The following AXDND1 variants were observed in gnomAD, a reference collection of about 807,000 sequenced individuals.
AXDND1 encodes the protein axonemal dynein light chain domain containing 1.
Under a neutral mutation model 137.5 loss-of-function variants are expected in AXDND1, and 110 were observed. The observed-to-expected ratio is 0.80, with a 90% CI of 0.69 to 0.94. The LOEUF is 0.94. Ranked by LOEUF, AXDND1 falls within the 40% of genes least tolerant of loss-of-function variation. The pLI, the probability that AXDND1 is intolerant of heterozygous loss-of-function variation, is 0.00. For missense variants in AXDND1, 1,191 were observed against 1,169.8 expected (o/e 1.02, Z -0.26); for synonymous variants, 414 against 399.7 (o/e 1.04, Z -0.43).
chr1:179,521,385 C>A (rs770049896), intron 21 of AXDND1, among the ~76,000 whole-genome samples: 1 of 152,128 alleles, frequency 6.6e-6, no homozygotes, highest in Non-Finnish European at 1.5e-5. Flanking sequence ...GATACTTAAT[C>A]AAATCACCTA....
intron 25 of AXDND1, chr1:179,551,002 T>G: frequency 1.3e-6 from 1 of 756,454 alleles, no homozygotes; most frequent in Non-Finnish European, 2.2e-6. Context: ...TTCTCTGTCA[T>G]TACATCATTT....
chr1:179,474,260 T>C (rs1345896095), intron 17 of AXDND1, among the ~76,000 whole-genome samples: 2 of 151,946 alleles, frequency 1.3e-5, no homozygotes, highest in Admixed American at 6.6e-5. Flanking sequence ...AGTTTTTTTA[T>C]AGCAGTGTGA....
chr1:179,489,750 T>C (rs1250515185), intron 18 of AXDND1, among the ~76,000 whole-genome samples: 5 of 144,790 alleles, frequency 3.5e-5, no homozygotes, highest in South Asian at 4.4e-4. Flanking sequence ...TCTTTTTTTT[T>C]TTTTTTTTTT....
At chr1:179,447,743 C>T (rs7521291) in intron 16 of AXDND1, 428,601 of 1,304,832 alleles carry the variant, frequency 0.33, 74,331 homozygotes, top group East Asian at 0.38. Flanking sequence ...CCAGTAGCTC[C>T]AATCAAATTT....
At chr1:179,547,878 C>T (rs991254883) in intron 25 of AXDND1, among the ~76,000 whole-genome samples, 4 of 152,110 alleles carry the variant, frequency 2.6e-5, no homozygotes, top group Non-Finnish European at 1.5e-5. Context: ...TCATTTTCCA[C>T]TCTGGCCATC....
chr1:179,459,804 T>C (rs71630222), intron 16 of AXDND1, among the ~76,000 whole-genome samples: 3,166 of 117,850 alleles, frequency 0.027, 217 homozygotes, highest in East Asian at 0.087. Context: ...TCTCTCTTTC[T>C]TTCCTTCCTT....
intron 18 of AXDND1, among the ~76,000 whole-genome samples, chr1:179,483,425 G>A (rs1025569475): frequency 2.0e-5 from 3 of 152,192 alleles, no homozygotes; most frequent in African/African-American, 7.2e-5. Flanking sequence ...TGCAATTGAA[G>A]AGTCAATGAG....
intron 6 of AXDND1, among the ~76,000 whole-genome samples, chr1:179,379,777 CA>C (rs1363655364): frequency 1.1e-5 from 1 of 94,608 alleles, no homozygotes. Flanking sequence ...GCCTGGGCAA[CA>C]AGAGTGAAAC....
intron 17 of AXDND1, among the ~76,000 whole-genome samples, chr1:179,477,690 C>T (rs1172789488): frequency 6.6e-6 from 1 of 152,144 alleles, no homozygotes; most frequent in African/African-American, 2.4e-5. Flanking sequence ...CCCCTGGCCC[C>T]TCCCAAATCT....
intron 11 of AXDND1, among the ~76,000 whole-genome samples, chr1:179,402,264 A>ATTTTT (rs762720898): frequency 3.6e-4 from 54 of 151,750 alleles, no homozygotes; most frequent in Non-Finnish European, 6.6e-4. Flanking sequence ...ATTTTTGCCT[A>ATTTTT]CTCTATATAC....
intron 11 of AXDND1, 108 bp from the exon 12 acceptor site, chr1:179,411,038 T>C (rs2125221112): frequency 1.2e-6 from 1 of 861,912 alleles, no homozygotes; most frequent in Non-Finnish European, 1.7e-6. Flanking sequence ...ATGATGAGTT[T>C]TAAAGGAACA....
At chr1:179,366,874 A>G (rs151233372) in intron 2 of AXDND1, among the ~76,000 whole-genome samples, 14 of 152,348 alleles carry the variant, frequency 9.2e-5, no homozygotes, top group African/African-American at 3.1e-4. Flanking sequence ...TTAAATATCA[A>G]TAGTTACGTA....
chr1:179,469,166 G>A (rs1390009935), intron 17 of AXDND1, among the ~76,000 whole-genome samples: 1 of 151,786 alleles, frequency 6.6e-6, no homozygotes, highest in Non-Finnish European at 1.5e-5. Flanking sequence ...CTGACCTCAG[G>A]TGATACGCCC....
intron 12 of AXDND1, among the ~76,000 whole-genome samples, chr1:179,425,227 A>G (rs149949796): frequency 6.6e-6 from 1 of 152,334 alleles, no homozygotes; most frequent in Non-Finnish European, 1.5e-5. Context: ...TCAGCACTAC[A>G]TGGTGCTTTA....
At chr1:179,520,588 T>C (rs1669959237) in intron 21 of AXDND1, among the ~76,000 whole-genome samples, 1 of 152,094 alleles carries the variant, frequency 6.6e-6, no homozygotes, top group African/African-American at 2.4e-5. Context: ...TTTTTCTATA[T>C]AACTTTATAA....
intron 4 of AXDND1, 49 bp downstream of exon 4, chr1:179,370,127 C>T (rs16854009): frequency 6.9e-7 from 1 of 1,447,722 alleles, no homozygotes. Context: ...GAGTTGTTTT[C>T]TCATTTTGAA....
At chr1:179,414,430 TA>T (rs1654369232) in intron 12 of AXDND1, among the ~76,000 whole-genome samples, 4 of 151,840 alleles carry the variant, frequency 2.6e-5, no homozygotes, top group Admixed American at 6.6e-5. Context: ...TTTATTTATT[TA>T]TTTATTTTTT....
At chr1:179,441,956 C>G (rs1047904248) in intron 15 of AXDND1, among the ~76,000 whole-genome samples, 2 of 152,220 alleles carry the variant, frequency 1.3e-5, no homozygotes, top group Non-Finnish European at 2.9e-5. Context: ...AACACAGATT[C>G]TAGCAATCTT....
intron 20 of AXDND1, among the ~76,000 whole-genome samples, chr1:179,494,501 T>C (rs1439577055): frequency 6.6e-6 from 1 of 151,902 alleles, no homozygotes; most frequent in African/African-American, 2.4e-5. Flanking sequence ...TTTTATCAGA[T>C]ACATGATTTT....
Sources: gnomAD v4.1 joint callset for allele counts (sites outside exome capture counted in the v4.1 genomes callset) on GRCh38, gnomAD v4.1.1 for gene constraint, MANE v1.5 for transcripts, NCBI Gene and HGNC (gene_info 2026-07-23, HGNC 2026-07-21) for gene names.